USP6NL: variants seen among roughly 807,000 people sequenced by gnomAD.
USP6NL encodes the protein USP6 N-terminal like.
In USP6NL, 26 loss-of-function variants were observed where a neutral mutation model predicts 61.9. The ratio of observed to expected loss-of-function variants is 0.42; its 90% confidence interval spans 0.31 to 0.58. The LOEUF (loss-of-function observed/expected upper bound fraction) is 0.58, where lower values mean the gene tolerates loss of function less well. USP6NL is among the 20% of genes least tolerant of loss of function. The probability of loss-of-function intolerance (pLI) is 0.16; values close to 1 mark genes in which losing one functional copy is unlikely to be tolerated. For synonymous variants in USP6NL, 432 were observed against 390.1 expected (o/e 1.11, Z -1.27); for missense variants, 1,114 against 1,034.3 (o/e 1.08, Z -1.06).
intron 2 of USP6NL, among the ~76,000 whole-genome samples, chr10:11,550,589 C>G (rs1401273240): frequency 6.6e-6 from 1 of 151,920 alleles, no homozygotes; most frequent in Non-Finnish European, 1.5e-5. Context: ...AACCCTATCT[C>G]TACTAAAAAT....
chr10:11,485,001 T>G lies in USP6NL; in HGVS notation c.895A>C (p.Met299Leu). ...TGTAATTTTAAGATGGTGTAAGACA[T>G]AGCAGTAAGAACTCGTTCTCCTTCA... ...IFEGERVLTA[M>L]SYTILKLHKK... The change falls in exon 13 of 15, where the codon ATG becomes CTG. Residue 299 changes from methionine to leucine, a missense_variant. Physicochemically the swap from Met to Leu is conservative, Grantham distance 15 (BLOSUM62 2). Coordinates refer to ENST00000609104, the MANE Select transcript of USP6NL (RefSeq NM_014688.5). This position sits in a 1 kb window ranked among gnomAD's most constrained non-coding sequence, Gnocchi z 4.8. The G allele has an allele frequency of 6.5e-7, 1 of 1,549,932 alleles. No homozygotes were observed. Among genetic ancestry groups the G allele is most frequent in the Non-Finnish European group, 8.7e-7 (1 of 1,146,490 alleles).
chr10:11,467,751 A>G (rs1357741060), intron 14 of USP6NL, among the ~76,000 whole-genome samples: 2 of 152,242 alleles, frequency 1.3e-5, no homozygotes, highest in Non-Finnish European at 2.9e-5. Flanking sequence ...AATAAACGCT[A>G]GTAGTCATTA....
chr10:11,488,656 A>G (rs1376814046), intron 10 of USP6NL, among the ~76,000 whole-genome samples: 1 of 152,208 alleles, frequency 6.6e-6, no homozygotes, highest in Non-Finnish European at 1.5e-5. Context: ...TTAAAAACCT[A>G]AGTGTCATTT....
chr10:11,608,304 C>T (rs1309023208), intron 1 of USP6NL, among the ~76,000 whole-genome samples: 1 of 152,194 alleles, frequency 6.6e-6, no homozygotes, highest in Non-Finnish European at 1.5e-5. Context: ...GGTATGGATA[C>T]AGACGAGTAG....
intron 2 of USP6NL, chr10:11,573,772 G>A: frequency 2.5e-6 from 1 of 397,314 alleles, no homozygotes; most frequent in South Asian, 1.3e-4. Flanking sequence ...GAAAGCTCAA[G>A]CACGAACACA....
intron 4 of USP6NL, among the ~76,000 whole-genome samples, chr10:11,523,742 G>T (rs1208466568): frequency 6.6e-6 from 1 of 152,176 alleles, no homozygotes; most frequent in African/African-American, 2.4e-5. Context: ...GTTTCCCTAT[G>T]TATTTTATAC....
intron 2 of USP6NL, among the ~76,000 whole-genome samples, chr10:11,533,484 T>C (rs1835731061): frequency 6.6e-6 from 1 of 152,182 alleles, no homozygotes; most frequent in Non-Finnish European, 1.5e-5. Context: ...CCCTGCATCA[T>C]GCAAGTGGGT....
chr10:11,558,262 A>C (rs1008990229), intron 2 of USP6NL, among the ~76,000 whole-genome samples: 1 of 152,194 alleles, frequency 6.6e-6, no homozygotes, highest in African/African-American at 2.4e-5. Context: ...ACAAGTATAC[A>C]CACTGATCTC....
At chr10:11,523,055 A>C (rs531644320) in intron 4 of USP6NL, among the ~76,000 whole-genome samples, 19 of 152,354 alleles carry the variant, frequency 1.2e-4, no homozygotes, top group Non-Finnish European at 1.9e-4. Flanking sequence ...CCATGTAAAG[A>C]GCACAGAACA....
At position 11,518,643 on chromosome 10, in the gene USP6NL, T is replaced by C; in HGVS notation, c.156-69A>G. ...ACAAACTTTTAAAAGCTTATATACT[T>C]ATAGATACATATGACATACAATATT... On this transcript the variant is annotated intron_variant, in intron 4 of 14. Transcript: ENST00000609104. The surrounding 1 kb of genome is among the most constrained non-coding windows in gnomAD (Gnocchi z 5.3). 3.6e-6 allele frequency: 4 copies of C among 1,116,642 alleles called. No individual in the cohort carries two copies. The highest frequency in any genetic ancestry group is 5.4e-6 in the Non-Finnish European group (4 of 745,678). The allele number at this position is 1,116,642 out of a possible 1,614,324, so 69.2% of individuals were successfully genotyped here.
rs1024855335 is a variant in USP6NL, at chr10:11,560,734, A to ATATT, written c.5-33168_5-33167insAATA. On this transcript the variant is annotated intron_variant, in intron 2 of 14. Transcript: ENST00000609104. ...ATATATTATATATATATATATATAT[A>ATATT]TTCAAACAACAATACAGTTTATTAT... Among the ~76,000 whole-genome samples, 41 of 144,978 alleles carry ATATT rather than the reference A, an allele frequency of 2.8e-4. No individual in the cohort carries two copies. The East Asian group carries it at 6.7e-3, about 24-fold the overall frequency.
chr10:11,462,045 AC>A lies in USP6NL; in HGVS notation c.*395del, dbSNP rs2133123883. On this transcript the variant is annotated 3_prime_UTR_variant, in exon 15 of 15. Transcript: ENST00000609104. Reference sequence around the variant, plus strand: ...CCTATATCTATTAAAAGACACATACACTACATATAGCCTTAAAAATATCTAT... The same window carrying A: ...CCTATATCTATTAAAAGACACATACATACATATAGCCTTAAAAATATCTAT... 1 of 173,130 alleles carries A rather than the reference AC, an allele frequency of 5.8e-6. No individual in the cohort carries two copies. The highest frequency in any genetic ancestry group is 2.4e-5 in the African/African-American group (1 of 42,008). 10.7% of individuals were successfully genotyped at this position (173,130 alleles called of 1,614,324 possible).
Position 11,574,573 on chromosome 10 carries a change from C to T in USP6NL, c.4+23058G>A, listed in dbSNP as rs1427795288. Among the ~76,000 whole-genome samples, 1 of 152,190 alleles carries T rather than the reference C, an allele frequency of 6.6e-6. No individual in the cohort carries two copies. The highest frequency in any genetic ancestry group is 2.4e-5 in the African/African-American group (1 of 41,436). On this transcript the variant is annotated intron_variant, in intron 2 of 14. Transcript: ENST00000609104. The surrounding 1 kb of genome is among the most constrained non-coding windows in gnomAD (Gnocchi z 4.3). Reference sequence around the variant, plus strand: ...TCTCAAAGTAAACCTACAGAGTTAACTAAAAGAGAAAAATGACACTCAGGT... The same window carrying T: ...TCTCAAAGTAAACCTACAGAGTTAATTAAAAGAGAAAAATGACACTCAGGT...
At chr10:11,606,958 T>G (rs1282671013) in intron 1 of USP6NL, among the ~76,000 whole-genome samples, 1 of 152,020 alleles carries the variant, frequency 6.6e-6, no homozygotes, top group Non-Finnish European at 1.5e-5. Flanking sequence ...CCCCACTAAT[T>G]TTTGTATTTC....
At chr10:11,572,992 C>T (rs1243523088) in intron 2 of USP6NL, among the ~76,000 whole-genome samples, 4 of 151,918 alleles carry the variant, frequency 2.6e-5, no homozygotes, top group Non-Finnish European at 4.4e-5. Flanking sequence ...AAAATGTTTT[C>T]AAAAATGTAT....
intron 2 of USP6NL, chr10:11,563,358 T>A (rs1257259640): frequency 6.6e-6 from 1 of 151,776 alleles, no homozygotes; most frequent in Non-Finnish European, 1.5e-5. Context: ...ACCTTGGTTC[T>A]GATGACGGTT....
At chr10:11,566,295 C>T (rs1170682973) in intron 2 of USP6NL, among the ~76,000 whole-genome samples, 2 of 152,134 alleles carry the variant, frequency 1.3e-5, no homozygotes, top group Non-Finnish European at 2.9e-5. Flanking sequence ...AACAGTTTCT[C>T]AAAGGGCAAT....
At position 11,462,922 on chromosome 10, in the gene USP6NL, C is replaced by T; in HGVS notation, c.2006G>A (p.Arg669Lys). The change falls in exon 15 of 15, where the codon AGA becomes AAA. Residue 669 changes from arginine (R) to lysine (K), a missense_variant. Arg to Lys is a conservative substitution (Grantham distance 26). Transcript: ENST00000609104. ...GACGGAAAGAGTAGAACCATGAGGT[C>T]TCCTGGAAGGATTCAGTTGAGTCCC... ...SPGTQLNPSR[R>K]PHGSTLSVSA... 1 of 1,613,450 alleles carries T rather than the reference C, an allele frequency of 6.2e-7. No individual in the cohort carries two copies. Among genetic ancestry groups the T allele is most frequent in the South Asian group, 1.1e-5 (1 of 91,014 alleles).
At chr10:11,545,813 T>C (rs1410643050) in intron 2 of USP6NL, among the ~76,000 whole-genome samples, 2 of 147,930 alleles carry the variant, frequency 1.4e-5, no homozygotes, top group African/African-American at 4.9e-5. Flanking sequence ...TTGTAAAGCC[T>C]CTTAGAGGGT....
Sources: gnomAD v4.1 joint callset for allele counts (sites outside exome capture counted in the v4.1 genomes callset) on GRCh38, gnomAD v4.1.1 for gene constraint, Gnocchi (gnomAD v3.1) non-coding constraint, MANE v1.5 for transcripts, NCBI Gene and HGNC (gene_info 2026-07-23, HGNC 2026-07-21) for gene names.